NRG1: variants seen among roughly 807,000 people sequenced by gnomAD.
NRG1 encodes the protein neuregulin 1.
A neutral mutation model predicts 63.8 loss-of-function variants in NRG1; 18 were observed. That is an observed-to-expected ratio of 0.28 (90% CI 0.19 to 0.42). The LOEUF (loss-of-function observed/expected upper bound fraction) is 0.42. Ranked by LOEUF, NRG1 falls within the 10% of genes least tolerant of loss-of-function variation. The pLI is 1.00. For synonymous variants in NRG1, 302 were observed against 301.3 expected (o/e 1.00, Z -0.02); for missense variants, 762 against 814.7 (o/e 0.94, Z 0.79).
intron 1 of NRG1, among the ~76,000 whole-genome samples, chr8:32,526,898 C>G (rs1452217787): frequency 1.3e-5 from 2 of 152,148 alleles, no homozygotes; most frequent in East Asian, 3.9e-4. Context: ...TAGAGGTCTA[C>G]AGGGCTCCAT....
chr8:32,759,365 A>G (rs2129057213), exon 10 of NRG1: 1 of 1,614,012 alleles, frequency 6.2e-7, no homozygotes, highest in Non-Finnish European at 8.5e-7. Context: ...AAGCAGAGAC[A>G]TCCTTTTCCA....
At chr8:32,603,856 T>C (rs1730535174) in intron 2 of NRG1, among the ~76,000 whole-genome samples, 1 of 152,218 alleles carries the variant, frequency 6.6e-6, no homozygotes, top group African/African-American at 2.4e-5. Flanking sequence ...CTTTGCCCTC[T>C]CATTATGGCA....
intron 1 of NRG1, among the ~76,000 whole-genome samples, chr8:32,590,559 G>C (rs941020634): frequency 6.6e-6 from 1 of 151,992 alleles, no homozygotes; most frequent in South Asian, 2.1e-4. Context: ...TTTAAAATTC[G>C]AGTACTTACT....
chr8:32,609,339 C>T (rs1169071860), intron 3 of NRG1, among the ~76,000 whole-genome samples: 4 of 152,038 alleles, frequency 2.6e-5, no homozygotes, highest in South Asian at 2.1e-4. Context: ...CTGAGCTCTC[C>T]GGGGCTTAGA....
chr8:32,048,248 T>G (rs556337377), intron 1 of NRG1, among the ~76,000 whole-genome samples: 1 of 151,012 alleles, frequency 6.6e-6, no homozygotes, highest in South Asian at 2.1e-4. Context: ...TTTGAAATAC[T>G]TATTTCATAT....
chr8:32,574,594 GT>G (rs1839265311), intron 1 of NRG1, among the ~76,000 whole-genome samples: 1 of 151,988 alleles, frequency 6.6e-6, no homozygotes, highest in Non-Finnish European at 1.5e-5. Context: ...AAAGTGTGTG[GT>G]CTCTCTCTCT....
chr8:32,760,195 C>T lies in NRG1; in HGVS notation c.1053-5C>T, dbSNP rs79223941. Reference sequence around the variant, plus strand: ...ATCTGATTGTCTCTCCCATTTCCTCCGCAGCTGGAGCAACGGACACACTGA... The same window carrying T: ...ATCTGATTGTCTCTCCCATTTCCTCTGCAGCTGGAGCAACGGACACACTGA... On this transcript the variant is annotated splice_region_variant and splice_polypyrimidine_tract_variant and intron_variant, in intron 10 of 11. Transcript: ENST00000356819. The T allele has an allele frequency of 0.032, 51,170 of 1,613,620 alleles. 944 individuals carry two copies. Among genetic ancestry groups the T allele is most frequent in the Non-Finnish European group, 0.038 (45,274 of 1,179,758 alleles).
chr8:31,648,475 G>A (rs6981890), intron 1 of NRG1, among the ~76,000 whole-genome samples: 149,817 of 152,234 alleles, frequency 0.98, 73,772 homozygotes, highest in Non-Finnish European at 1. Flanking sequence ...CAATACATTC[G>A]TAATGTTGTA....
chr8:31,823,605 T>C (rs1341221943), intron 1 of NRG1, among the ~76,000 whole-genome samples: 1 of 152,206 alleles, frequency 6.6e-6, no homozygotes, highest in Admixed American at 6.5e-5. Flanking sequence ...TTTTAACACA[T>C]GCCTTTGGAT....
At chr8:31,965,564 A>C (rs118055525) in intron 1 of NRG1, among the ~76,000 whole-genome samples, 1,560 of 152,212 alleles carry the variant, frequency 0.01, 26 homozygotes, top group South Asian at 0.075. Flanking sequence ...CTTTTGGATA[A>C]ATACCCAGTA....
intron 1 of NRG1, among the ~76,000 whole-genome samples, chr8:32,242,289 C>T (rs1014892279): frequency 2.0e-5 from 3 of 152,006 alleles, no homozygotes; most frequent in East Asian, 1.9e-4. Flanking sequence ...CCCTGACCAA[C>T]GTGGTGAAAC....
intron 1 of NRG1, among the ~76,000 whole-genome samples, chr8:32,288,961 A>G (rs1410551546): frequency 6.6e-6 from 1 of 152,138 alleles, no homozygotes; most frequent in Admixed American, 6.5e-5. Flanking sequence ...TAACTCTCCA[A>G]TTCTCACTAG....
At chr8:32,551,636 A>G (rs1293038812) in intron 1 of NRG1, among the ~76,000 whole-genome samples, 2 of 152,354 alleles carry the variant, frequency 1.3e-5, no homozygotes, top group East Asian at 3.9e-4. Flanking sequence ...TAAATGTTGA[A>G]TTGCACACTA....
intron 1 of NRG1, chr8:31,639,479 C>T: frequency 1.3e-6 from 2 of 1,530,872 alleles, no homozygotes; most frequent in South Asian, 1.2e-5. Flanking sequence ...CGCGGCCACC[C>T]AGCGATTTCC....
chr8:32,658,458 G>A (rs373789978), intron 5 of NRG1, among the ~76,000 whole-genome samples: 19 of 152,082 alleles, frequency 1.2e-4, no homozygotes, highest in South Asian at 4.1e-4. Context: ...CTGTTATTTC[G>A]TTAGGACATA....
intron 1 of NRG1, among the ~76,000 whole-genome samples, chr8:31,962,767 C>A (rs1030384464): frequency 6.6e-6 from 1 of 152,148 alleles, no homozygotes; most frequent in African/African-American, 2.4e-5. Flanking sequence ...CCTGCCATTT[C>A]TCTTATATTC....
intron 1 of NRG1, among the ~76,000 whole-genome samples, chr8:32,476,588 T>C (rs1437360968): frequency 6.6e-6 from 1 of 152,212 alleles, no homozygotes; most frequent in Non-Finnish European, 1.5e-5. Flanking sequence ...GACATTTCCA[T>C]GTTCAATTTG....
chr8:31,759,880 T>G (rs1199466445), intron 1 of NRG1, among the ~76,000 whole-genome samples: 1 of 152,160 alleles, frequency 6.6e-6, no homozygotes, highest in African/African-American at 2.4e-5. Context: ...ATCACTAATT[T>G]ATCTCACCAA....
At chr8:31,708,724 C>A (rs930630756) in intron 1 of NRG1, among the ~76,000 whole-genome samples, 1 of 152,230 alleles carries the variant, frequency 6.6e-6, no homozygotes, top group Non-Finnish European at 1.5e-5. Context: ...GGATTACAGG[C>A]GTGAGCCACC....
Sources: gnomAD v4.1 joint callset for allele counts (sites outside exome capture counted in the v4.1 genomes callset) on GRCh38, gnomAD v4.1.1 for gene constraint, MANE v1.5 for transcripts, NCBI Gene and HGNC (gene_info 2026-07-23, HGNC 2026-07-21) for gene names.